The following RBFOX1 variants were observed in gnomAD, a reference collection of about 807,000 sequenced individuals.
RBFOX1 encodes the protein RNA binding protein fox-1 homolog 1.
RBFOX1 carries 8 observed loss-of-function variants against 57.7 expected under a neutral mutation model. The ratio of observed to expected loss-of-function variants is 0.14; its 90% CI spans 0.08 to 0.25. RBFOX1 has a LOEUF of 0.25. Among genes scored for constraint, RBFOX1 ranks in the 10% least tolerant of loss-of-function variants. The pLI is 1.00. For synonymous variants in RBFOX1, 326 were observed against 222.4 expected (o/e 1.47, Z -4.15); for missense variants, 611 against 548.5 (o/e 1.11, Z -1.14).
intron 2 of RBFOX1, among the ~76,000 whole-genome samples, chr16:6,574,501 T>G (rs1297028053): frequency 2.8e-5 from 4 of 140,908 alleles, no homozygotes; most frequent in African/African-American, 1.0e-4. Context: ...CGATCTCCGC[T>G]CACTGCAAGC....
rs34944009 is a variant in RBFOX1, at chr16:5,424,527, CTT to C, written c.220-42674_220-42673del. On this transcript the variant is annotated intron_variant, in intron 1 of 2. Transcript: ENST00000585867. The stretch of plus-strand genomic sequence containing the variant: ...GATTCTAAAGATGGGTGGCGTTTTA[CTT>C]TTTTTTTTTTTTTTAGCGTTTATTT... Among the ~76,000 whole-genome samples the C allele has an allele frequency of 2.2e-3, 315 of 144,064 alleles. 2 individuals carry two copies. The highest frequency in any genetic ancestry group is 3.6e-3 in the Middle Eastern group (1 of 278). The allele number at this position is 144,064 out of a possible 152,430, so 94.5% of individuals were successfully genotyped here.
At chr16:7,301,161 G>A (rs1259140908) in intron 4 of RBFOX1, among the ~76,000 whole-genome samples, 1 of 152,174 alleles carries the variant, frequency 6.6e-6, no homozygotes, top group Non-Finnish European at 1.5e-5. Flanking sequence ...GATGATTGTG[G>A]ATATGATGCT....
chr16:6,336,310 C>G lies in RBFOX1; in HGVS notation c.-64+19253C>G, dbSNP rs1383409937. ...GCCTCCCAGGTTCACGCCATTCTGC[C>G]TCAGCCTCCCGTGTAGCTGGGACTA... On this transcript the variant is annotated intron_variant, in intron 2 of 15. Coordinates refer to ENST00000550418, the MANE Select transcript of RBFOX1 (RefSeq NM_018723.4). Among the ~76,000 whole-genome samples the G allele has an allele frequency of 4.7e-5, 7 of 148,292 alleles. 1 individual carries two copies. In the South Asian group the frequency reaches 1.5e-3, roughly 32 times the overall value.
chr16:7,710,131 C>A (rs1025997173), intron 15 of RBFOX1: 10 of 1,020,792 alleles, frequency 9.8e-6, no homozygotes, highest in Middle Eastern at 4.8e-4. Flanking sequence ...CTGTACAACT[C>A]CACAACTCCC....
intron 4 of RBFOX1, among the ~76,000 whole-genome samples, chr16:7,498,376 C>G (rs1049463801): frequency 1.3e-5 from 2 of 152,062 alleles, no homozygotes; most frequent in East Asian, 1.9e-4. Flanking sequence ...GACACCTGAA[C>G]CAATGAGTAT....
intron 3 of RBFOX1, among the ~76,000 whole-genome samples, chr16:6,712,833 C>G (rs940334514): frequency 1.3e-5 from 2 of 151,236 alleles, no homozygotes; most frequent in Admixed American, 6.6e-5. Context: ...TCTCATCACC[C>G]TCATGTGTCA....
chr16:7,417,090 C>G (rs971898716), intron 4 of RBFOX1, among the ~76,000 whole-genome samples: 1 of 151,968 alleles, frequency 6.6e-6, no homozygotes, highest in Non-Finnish European at 1.5e-5. Context: ...CACAAAGAGT[C>G]CGGGCATGGT....
chr16:5,755,168 T>G (rs1353562016), intron 3 of RBFOX1, among the ~76,000 whole-genome samples: 1 of 125,506 alleles, frequency 8.0e-6, no homozygotes, highest in African/African-American at 3.1e-5. Context: ...GCACCGCCCT[T>G]AATCCATTCA....
At chr16:5,401,764 T>TCTCCTCCTCCTCCTCCTCCTC (rs71142618) in intron 1 of RBFOX1, among the ~76,000 whole-genome samples, 1 of 103,410 alleles carries the variant, frequency 9.7e-6, no homozygotes, top group African/African-American at 3.4e-5. Flanking sequence ...TCCCTGTCTC[T>TCTCCTCCTCCTCCTCCTCCTC]CTCCTCCTCC....
At chr16:5,657,795 C>T (rs1432161604) in intron 3 of RBFOX1, among the ~76,000 whole-genome samples, 9 of 139,280 alleles carry the variant, frequency 6.5e-5, no homozygotes, top group South Asian at 4.7e-4. Flanking sequence ...TACAGTAGCA[C>T]GATCTTGGCT....
intron 3 of RBFOX1, among the ~76,000 whole-genome samples, chr16:5,646,344 G>A (rs1050807644): frequency 3.3e-5 from 5 of 151,868 alleles, no homozygotes; most frequent in Admixed American, 2.0e-4. Context: ...TCACTATGTT[G>A]CTCAGGCTGA....
At chr16:7,294,428 G>A (rs1271761728) in intron 4 of RBFOX1, among the ~76,000 whole-genome samples, 1 of 151,464 alleles carries the variant, frequency 6.6e-6, no homozygotes, top group African/African-American at 2.4e-5. Context: ...TGTGTCTCGG[G>A]TCTCTTTTGA....
intron 2 of RBFOX1, among the ~76,000 whole-genome samples, chr16:6,331,709 G>A (rs1456851174): frequency 6.6e-6 from 1 of 151,658 alleles, no homozygotes; most frequent in Non-Finnish European, 1.5e-5. Flanking sequence ...GCATCAGAGA[G>A]TGCCACCAGT....
In RBFOX1 at chr16:5,836,000, G is replaced by A. The variant is rs551942313; in HGVS notation, c.319-31303G>A. ...TCAGGAGGCTGAGGCTGCTTGGAGG[G>A]AGGCTCTGGGCCTGGAGTTGAGAAC... On this transcript the variant is annotated intron_variant, in intron 3 of 19. Transcript: ENST00000641259. Among the ~76,000 whole-genome samples, 11 of 152,312 alleles carry A rather than the reference G, an allele frequency of 7.2e-5. 2 individuals carry two copies. The Middle Eastern group carries it at 0.027, about 377-fold the overall frequency.
intron 2 of RBFOX1, among the ~76,000 whole-genome samples, chr16:6,513,891 G>A (rs1163798911): frequency 6.6e-6 from 1 of 152,160 alleles, no homozygotes; most frequent in Non-Finnish European, 1.5e-5. Flanking sequence ...GTCACCTGAG[G>A]GGGCGTCAGG....
chr16:5,420,807 A>T (rs2067295494), intron 1 of RBFOX1, among the ~76,000 whole-genome samples: 2 of 151,770 alleles, frequency 1.3e-5, no homozygotes, highest in African/African-American at 4.8e-5. Context: ...AAGTCCTGGG[A>T]TTCCAGGCAT....
intron 11 of RBFOX1, among the ~76,000 whole-genome samples, chr16:7,646,543 C>T (rs1167757131): frequency 6.6e-6 from 1 of 152,220 alleles, no homozygotes; most frequent in Non-Finnish European, 1.5e-5. Flanking sequence ...AGAGGAGGAG[C>T]AGGACAAAGA....
At chr16:5,856,032 T>G (rs576372218) in intron 3 of RBFOX1, among the ~76,000 whole-genome samples, 1 of 145,632 alleles carries the variant, frequency 6.9e-6, no homozygotes, top group South Asian at 2.2e-4. Flanking sequence ...TAATTTTCTT[T>G]CCAGTAGTTC....
At chr16:6,309,204 C>G (rs1024700613) in intron 1 of RBFOX1, among the ~76,000 whole-genome samples, 1 of 152,062 alleles carries the variant, frequency 6.6e-6, no homozygotes, top group African/African-American at 2.4e-5. Flanking sequence ...CCTTTTCATA[C>G]TGGGTCTAGC....
Sources: allele counts gnomAD v4.1 joint callset (sites outside exome capture counted in the v4.1 genomes callset), GRCh38; gene constraint gnomAD v4.1.1; transcripts MANE v1.5; gene names NCBI Gene and HGNC (gene_info 2026-07-23, HGNC 2026-07-21).